PDE4B: variants seen among roughly 807,000 people sequenced by gnomAD.
PDE4B encodes phosphodiesterase 4B, also known as 3',5'-cyclic-AMP phosphodiesterase 4B.
Under a neutral mutation model 82.2 loss-of-function variants are expected in PDE4B, and 20 were observed. The ratio of observed to expected loss-of-function variants is 0.24; its 90% confidence interval spans 0.17 to 0.35. The LOEUF (loss-of-function observed/expected upper bound fraction) is 0.35. PDE4B is among the 10% of genes least tolerant of loss of function. The probability of loss-of-function intolerance (pLI) is 1.00; values close to 1 mark genes in which losing one functional copy is unlikely to be tolerated. For missense variants in PDE4B, 655 were observed against 907.2 expected, an observed-to-expected ratio of 0.72 and a Z score of 3.57; for synonymous variants, 320 against 318.9, an observed-to-expected ratio of 1.00 and a Z score of -0.04.
At chr1:66,160,114 G>A (rs1424727622) in intron 3 of PDE4B, among the ~76,000 whole-genome samples, 1 of 152,114 alleles carries the variant, frequency 6.6e-6, no homozygotes, top group African/African-American at 2.4e-5. Flanking sequence ...GTGTTAAAAG[G>A]GGAAAATTGT....
At chr1:65,820,458 C>A (rs1232177041) in intron 1 of PDE4B, among the ~76,000 whole-genome samples, 3 of 152,166 alleles carry the variant, frequency 2.0e-5, no homozygotes, top group Non-Finnish European at 4.4e-5. Flanking sequence ...ATTGCTTTCT[C>A]ACTAATGAGA....
At chr1:66,190,871 G>A (rs1274721995) in intron 3 of PDE4B, among the ~76,000 whole-genome samples, 1 of 152,024 alleles carries the variant, frequency 6.6e-6, no homozygotes, top group Non-Finnish European at 1.5e-5. Flanking sequence ...ACACTCCCCA[G>A]TAAGATGAAC....
rs1570301486 is a variant in PDE4B at position 66,128,774 on chromosome 1, T to C, written c.282-118686T>C. Among the ~76,000 whole-genome samples the C allele has an allele frequency of 2.0e-5, 3 of 152,080 alleles. No homozygotes were observed. The South Asian group carries it at 6.2e-4, about 32-fold the overall frequency. Reference sequence around the variant, plus strand: ...GAGGTCTCACAATCATGGCAGAAGGTGAAAGGTACGTCTTATGTGGCAGCA... The same window carrying C: ...GAGGTCTCACAATCATGGCAGAAGGCGAAAGGTACGTCTTATGTGGCAGCA... On this transcript the variant is annotated intron_variant, in intron 3 of 16. Coordinates refer to ENST00000341517, the MANE Select transcript of PDE4B (RefSeq NM_002600.4).
In PDE4B at chr1:66,332,579, A is replaced by G; in HGVS notation, c.706A>G (p.Ile236Val). ...CTGGTGTTTAGACCAGCTAGAGACCATACAGACCTACCGGTCTGTCAGTGA... is the reference window on the plus strand; with the variant it reads ...CTGGTGTTTAGACCAGCTAGAGACCGTACAGACCTACCGGTCTGTCAGTGA... ...LDWCLDQLETIQTYRSVSEMA... is the reference protein window; with the variant it reads ...LDWCLDQLETVQTYRSVSEMA... The change falls in exon 8 of 17, where the codon ATA (isoleucine) becomes GTA (valine). Residue 236 changes from isoleucine (I) to valine (V), a missense_variant. Transcript: ENST00000341517. 5 of 1,613,992 alleles carry G rather than the reference A, an allele frequency of 3.1e-6. No individual in the cohort carries two copies. Among genetic ancestry groups the G allele is most frequent in the Non-Finnish European group, 4.2e-6 (5 of 1,179,828 alleles).
chr1:66,103,102 C>T (rs1325729401), intron 3 of PDE4B, among the ~76,000 whole-genome samples: 1 of 152,062 alleles, frequency 6.6e-6, no homozygotes, highest in African/African-American at 2.4e-5. Context: ...TGTAGGAATG[C>T]TTTGTAAATG....
At chr1:65,861,469 G>C (rs1646453256) in intron 1 of PDE4B, among the ~76,000 whole-genome samples, 6 of 152,184 alleles carry the variant, frequency 3.9e-5, no homozygotes, top group Admixed American at 3.9e-4. Flanking sequence ...TTAGTTTGAA[G>C]TCAGGTAGTG....
intron 8 of PDE4B, among the ~76,000 whole-genome samples, chr1:66,339,607 A>G (rs1245150144): frequency 1.3e-5 from 2 of 152,216 alleles, no homozygotes; most frequent in African/African-American, 2.4e-5. Flanking sequence ...GCTACCTGAT[A>G]AGAGAGCATA....
At chr1:66,146,172 G>GTTT (rs1646264756) in intron 3 of PDE4B, among the ~76,000 whole-genome samples, 1 of 88,554 alleles carries the variant, frequency 1.1e-5, no homozygotes, top group Non-Finnish European at 2.4e-5. Flanking sequence ...TGGGTAGCAT[G>GTTT]CTTTTTTTTT....
intron 3 of PDE4B, among the ~76,000 whole-genome samples, chr1:66,104,477 T>C (rs1179104577): frequency 1.4e-5 from 2 of 142,868 alleles, no homozygotes; most frequent in African/African-American, 5.2e-5. Flanking sequence ...CTGGGTCAAA[T>C]GGTATTTCTA....
At chr1:66,014,456 T>C (rs1652660031) in intron 3 of PDE4B, among the ~76,000 whole-genome samples, 1 of 152,202 alleles carries the variant, frequency 6.6e-6, no homozygotes, top group South Asian at 2.1e-4. Flanking sequence ...CATTTTGAGT[T>C]GATTTTTGCA....
In PDE4B at chr1:66,190,551, G is replaced by A. The variant is rs181860895; in HGVS notation, c.282-56909G>A. Among the ~76,000 whole-genome samples, 8 of 152,278 alleles carry A rather than the reference G, an allele frequency of 5.3e-5. 1 individual carries two copies. The East Asian group carries it at 1.2e-3, about 22-fold the overall frequency. On this transcript the variant is annotated intron_variant, in intron 3 of 16. Coordinates refer to ENST00000341517, the MANE Select transcript of PDE4B (RefSeq NM_002600.4). ...GGCAATGGCGGGCACCCCTCCCCCA[G>A]CCTCGCTGCCTGCAACCTTGCAGTT...
At chr1:65,840,039 A>G (rs1439003942) in intron 1 of PDE4B, among the ~76,000 whole-genome samples, 1 of 152,182 alleles carries the variant, frequency 6.6e-6, no homozygotes, top group Non-Finnish European at 1.5e-5. Context: ...AAAATAAGCC[A>G]AGTGAAGTTA....
intron 3 of PDE4B, among the ~76,000 whole-genome samples, chr1:66,217,464 G>A (rs72924414): frequency 0.039 from 5,936 of 152,050 alleles, 224 homozygotes; most frequent in African/African-American, 0.1. Flanking sequence ...CAAGAAGAGA[G>A]GTGCACTGCC....
intron 3 of PDE4B, among the ~76,000 whole-genome samples, chr1:66,088,037 T>TA (rs1001226717): frequency 1.3e-5 from 2 of 151,432 alleles, no homozygotes; most frequent in South Asian, 2.1e-4. Context: ...AAATAAATAA[T>TA]AAAAAAAAGT....
chr1:66,240,561 T>C (rs563758367), intron 3 of PDE4B, among the ~76,000 whole-genome samples: 3 of 152,364 alleles, frequency 2.0e-5, no homozygotes, highest in East Asian at 1.9e-4. Flanking sequence ...CCTTTGTCTC[T>C]ATCACACTAC....
At chr1:66,032,319 A>C (rs1653823449) in intron 3 of PDE4B, among the ~76,000 whole-genome samples, 1 of 152,206 alleles carries the variant, frequency 6.6e-6, no homozygotes, top group African/African-American at 2.4e-5. Flanking sequence ...CAGAGTACAG[A>C]CTGCTTTCTT....
chr1:66,097,545 T>C (rs181199335), intron 3 of PDE4B, among the ~76,000 whole-genome samples: 2 of 152,184 alleles, frequency 1.3e-5, no homozygotes. Flanking sequence ...TACTTTTTTT[T>C]CTGCAGTGTT....
In PDE4B at chr1:66,052,201, A is replaced by G. The variant is rs534526238; in HGVS notation, c.281+133366A>G. On this transcript the variant is annotated intron_variant, in intron 3 of 16. Coordinates refer to ENST00000341517, the MANE Select transcript of PDE4B (RefSeq NM_002600.4). ...CTATTACAAGTAAAATATCATATGGATAAATATTTTCTATTTGAAATGTCC... is the reference window on the plus strand; with the variant it reads ...CTATTACAAGTAAAATATCATATGGGTAAATATTTTCTATTTGAAATGTCC... Among the ~76,000 whole-genome samples, 283 of 152,344 alleles carry G rather than the reference A, an allele frequency of 1.9e-3. 3 individuals are homozygous for G. The South Asian group carries it at 0.029, about 16-fold the overall frequency.
chr1:66,247,405 A>C (rs1017080690), intron 3 of PDE4B, 55 bp from the exon 4 acceptor site: 1 of 1,266,656 alleles, frequency 7.9e-7, no homozygotes, highest in African/African-American at 1.5e-5. Flanking sequence ...AGTGTATACT[A>C]TGTGTCCTCC....
Sources: gnomAD v4.1 joint callset for allele counts (sites outside exome capture counted in the v4.1 genomes callset) on GRCh38, gnomAD v4.1.1 for gene constraint, MANE v1.5 for transcripts, NCBI Gene and HGNC (gene_info 2026-07-23, HGNC 2026-07-21) for gene names.